Variants in RALYL observed in about 807,000 individuals in gnomAD.
RALYL encodes the protein RALY RNA binding protein like, also known as RNA-binding Raly-like protein.
A neutral mutation model predicts 35.1 loss-of-function variants in RALYL; 29 were observed. The ratio of observed to expected loss-of-function variants is 0.83; its 90% confidence interval spans 0.61 to 1.13. The LOEUF is 1.13. Among genes scored for constraint, RALYL ranks in the 50% most tolerant of loss-of-function variants. The pLI is 0.00. For missense variants in RALYL, 359 were observed against 360.4 expected (o/e 1.00, Z 0.03); for synonymous variants, 120 against 127.6 (o/e 0.94, Z 0.40).
At chr8:84,555,353 C>T (rs1376200915) in intron 2 of RALYL, among the ~76,000 whole-genome samples, 1 of 152,108 alleles carries the variant, frequency 6.6e-6, no homozygotes, top group Non-Finnish European at 1.5e-5. Context: ...CACTTCTCTC[C>T]TCATCTAGAC....
intron 1 of RALYL, among the ~76,000 whole-genome samples, chr8:84,255,851 A>C (rs1873562): frequency 0.046 from 7,049 of 152,228 alleles, 532 homozygotes; most frequent in African/African-American, 0.16. Flanking sequence ...AATGAATGAG[A>C]TATTGCATAT....
chr8:84,807,420 T>C (rs1038511084), intron 4 of RALYL, among the ~76,000 whole-genome samples: 10 of 152,224 alleles, frequency 6.6e-5, no homozygotes, highest in Non-Finnish European at 1.3e-4. Context: ...CTTTGATTGT[T>C]GGGCATTTGG....
intron 2 of RALYL, among the ~76,000 whole-genome samples, chr8:84,681,461 A>ATTGATTG (rs201713901): frequency 6.6e-6 from 1 of 151,190 alleles, no homozygotes; most frequent in African/African-American, 2.4e-5. Context: ...TTTTCACTGT[A>ATTGATTG]TTCCTATCCA....
chr8:84,285,180 C>T (rs1200340082), intron 1 of RALYL, among the ~76,000 whole-genome samples: 2 of 152,162 alleles, frequency 1.3e-5, no homozygotes, highest in Non-Finnish European at 2.9e-5. Flanking sequence ...TCCGTGTCAT[C>T]ACTCTTATAA....
chr8:84,534,061 GA>G (rs1564100310), intron 2 of RALYL, among the ~76,000 whole-genome samples: 1 of 152,202 alleles, frequency 6.6e-6, no homozygotes, highest in Non-Finnish European at 1.5e-5. Flanking sequence ...TCAGAAAAAA[GA>G]ATGAAACCTT....
intron 3 of RALYL, among the ~76,000 whole-genome samples, chr8:84,782,038 C>A (rs1287121349): frequency 1.4e-5 from 2 of 144,686 alleles, no homozygotes; most frequent in Non-Finnish European, 3.0e-5. Flanking sequence ...CGCGCACACA[C>A]ACACACACAC....
chr8:84,772,323 G>A (rs1374346231), intron 2 of RALYL, among the ~76,000 whole-genome samples: 1 of 151,904 alleles, frequency 6.6e-6, no homozygotes, highest in Admixed American at 6.6e-5. Context: ...GTGTATCATG[G>A]CTATGTTTGG....
intron 4 of RALYL, among the ~76,000 whole-genome samples, chr8:84,846,746 T>C (rs1834751634): frequency 6.6e-6 from 1 of 152,150 alleles, no homozygotes; most frequent in African/African-American, 2.4e-5. Flanking sequence ...TTATGAGAGG[T>C]TGTGTTTCAA....
In RALYL at chr8:84,834,796, CACTTT is replaced by C. The variant is rs577185835; in HGVS notation, c.366-15178_366-15174del. On this transcript the variant is annotated intron_variant, in intron 4 of 8. Transcript: ENST00000521268. Reference sequence around the variant, plus strand: ...AGGTGTTTGAAAATTTGAATGAAAACACTTTACTTTTCTACAGAAAGTAAATACTA... The same window carrying C: ...AGGTGTTTGAAAATTTGAATGAAAACACTTTTCTACAGAAAGTAAATACTA... Among the ~76,000 whole-genome samples, 24 of 152,244 alleles carry C rather than the reference CACTTT, an allele frequency of 1.6e-4. No individual in the cohort carries two copies. In the South Asian group the frequency reaches 4.8e-3, roughly 30 times the overall value.
chr8:84,250,006 G>T (rs1418779036), intron 1 of RALYL, among the ~76,000 whole-genome samples: 1 of 151,772 alleles, frequency 6.6e-6, no homozygotes, highest in African/African-American at 2.4e-5. Context: ...ATATTGGTAT[G>T]GGATTTCTAA....
chr8:84,588,336 T>G lies in RALYL; in HGVS notation c.256+58759T>G, dbSNP rs564361175. 5.4e-4 allele frequency among the ~76,000 whole-genome samples: 82 copies of G among 152,298 alleles called. 1 individual carries two copies. The highest frequency in any genetic ancestry group is 1.9e-3 in the African/African-American group (77 of 41,562). On this transcript the variant is annotated intron_variant, in intron 2 of 8. Coordinates refer to ENST00000521268, the MANE Select transcript of RALYL (RefSeq NM_173848.7). The stretch of plus-strand genomic sequence containing the variant: ...GGAAAGAAATCTGTGTTTCTGCATT[T>G]TCAGATTATGTGTTGGCTCACTCAG...
chr8:84,345,932 T>A (rs1031470717), intron 1 of RALYL, among the ~76,000 whole-genome samples: 1 of 152,116 alleles, frequency 6.6e-6, no homozygotes, highest in Non-Finnish European at 1.5e-5. Flanking sequence ...ACTATTTTAC[T>A]CATACCTGCC....
Position 84,238,360 on chromosome 8 carries a change from T to C in RALYL, c.-24+53936T>C, listed in dbSNP as rs185651827. Among the ~76,000 whole-genome samples, 467 of 149,276 alleles carry C rather than the reference T, an allele frequency of 3.1e-3. 3 individuals carry two copies. Among genetic ancestry groups the C allele is most frequent in the South Asian group, 0.024 (114 of 4,826 alleles). ...ATATCTGTCCATACATATATATGTA[T>C]ATAGATTTTTTTTTCTCCGAAGACT... On this transcript the variant is annotated intron_variant, in intron 1 of 8. Coordinates refer to ENST00000521268, the MANE Select transcript of RALYL (RefSeq NM_173848.7).
At chr8:84,758,080 T>C (rs575702704) in intron 2 of RALYL, among the ~76,000 whole-genome samples, 2 of 152,320 alleles carry the variant, frequency 1.3e-5, no homozygotes, top group East Asian at 3.9e-4. Context: ...TTAGTAAGAC[T>C]GTGTTTTGAG....
chr8:84,426,101 A>G (rs2046400390), intron 1 of RALYL, among the ~76,000 whole-genome samples: 1 of 152,182 alleles, frequency 6.6e-6, no homozygotes. Context: ...ATTTAAATAA[A>G]TTGTAATGTG....
intron 1 of RALYL, among the ~76,000 whole-genome samples, chr8:84,397,811 C>T (rs1247710731): frequency 6.6e-6 from 1 of 152,156 alleles, no homozygotes; most frequent in African/African-American, 2.4e-5. Context: ...AGTACTGCAC[C>T]TCCTGTTTTC....
At position 84,594,148 on chromosome 8, in the gene RALYL, C is replaced by T. The variant is rs1309355477; in HGVS notation, c.256+64571C>T. Among the ~76,000 whole-genome samples, 4 of 152,008 alleles carry T rather than the reference C, an allele frequency of 2.6e-5. No individual in the cohort carries two copies. The East Asian group carries it at 7.7e-4, about 29-fold the overall frequency. On this transcript the variant is annotated intron_variant, in intron 2 of 8. Coordinates refer to ENST00000521268, the MANE Select transcript of RALYL (RefSeq NM_173848.7). ...TTCATATTTCTGGCTTCTGATTTCC[C>T]ATCCCACTTTAAGTATTATCTGTCC...
intron 2 of RALYL, among the ~76,000 whole-genome samples, chr8:84,637,378 A>G (rs1483315793): frequency 1.3e-5 from 2 of 151,812 alleles, no homozygotes; most frequent in African/African-American, 2.4e-5. Context: ...GAATGCATCC[A>G]AGGTCAGGTG....
chr8:84,899,453 C>A (rs1178704389), intron 8 of RALYL, among the ~76,000 whole-genome samples: 1 of 152,132 alleles, frequency 6.6e-6, no homozygotes, highest in Non-Finnish European at 1.5e-5. Context: ...TGTCCTCAGA[C>A]TACCTCAAAC....
Sources: gnomAD v4.1 joint callset for allele counts (sites outside exome capture counted in the v4.1 genomes callset) on GRCh38, gnomAD v4.1.1 for gene constraint, MANE v1.5 for transcripts, NCBI Gene and HGNC (gene_info 2026-07-23, HGNC 2026-07-21) for gene names.